The following ADAMTS14 variants were observed in gnomAD, a reference collection of about 807,000 sequenced individuals.
The protein encoded by ADAMTS14 is ADAM metallopeptidase with thrombospondin type 1 motif 14.
ADAMTS14 carries 100 observed loss-of-function variants against 128.6 expected under a neutral mutation model. The observed-to-expected ratio is 0.78, with a 90% CI of 0.66 to 0.92. The LOEUF (loss-of-function observed/expected upper bound fraction) is 0.92. Ranked by LOEUF, ADAMTS14 falls within the 40% of genes least tolerant of loss-of-function variation. ADAMTS14 has a pLI of 0.00. For synonymous variants in ADAMTS14, 665 were observed against 653.8 expected (o/e 1.02, Z -0.26); for missense variants, 1,562 against 1,658.6 (o/e 0.94, Z 1.01).
intron 18 of ADAMTS14, among the ~76,000 whole-genome samples, chr10:70,753,017 T>C (rs1336861029): frequency 6.6e-6 from 1 of 152,252 alleles, no homozygotes; most frequent in Non-Finnish European, 1.5e-5. Flanking sequence ...CAAATGCCTG[T>C]AATCACAGAA....
At chr10:70,736,844 C>A (rs757760253) in intron 10 of ADAMTS14, 51 bp downstream of exon 10, 1 of 1,519,322 alleles carries the variant, frequency 6.6e-7, no homozygotes, top group East Asian at 2.3e-5. Context: ...GCAGGGCATC[C>A]ATCACTGGCA....
intron 4 of ADAMTS14, among the ~76,000 whole-genome samples, chr10:70,719,412 ACT>A (rs1841176214): frequency 8.2e-6 from 1 of 121,446 alleles, no homozygotes. Context: ...ACACACACAC[ACT>A]TTTTAGAGGT....
intron 19 of ADAMTS14, among the ~76,000 whole-genome samples, chr10:70,756,202 T>C (rs1164671616): frequency 3.3e-5 from 5 of 152,200 alleles, no homozygotes; most frequent in African/African-American, 1.2e-4. Context: ...CTGAAAATAT[T>C]CTGGGATGCT....
In ADAMTS14 at chr10:70,729,318, T is replaced by A. The variant is rs143268347; in HGVS notation, c.895T>A (p.Ser299Thr). 1 of 1,613,730 alleles carries A rather than the reference T, an allele frequency of 6.2e-7. No homozygotes were observed. The highest frequency in any genetic ancestry group is 1.3e-5 in the African/African-American group (1 of 74,848). The change falls in exon 5 of 22, where the codon TCC becomes ACC. Residue 299 changes from serine to threonine, a missense_variant. Ser to Thr is a moderately conservative substitution (Grantham distance 58). Transcript: ENST00000373207. ...NIVDEIYHDE[S>T]LGVHINIALV... ...GGTAGATGAGATTTACCACGATGAG[T>A]CCCTGGGGGTTCATATAAATATTGC...
rs147617019 is a variant in ADAMTS14, at chr10:70,674,846, C to A, written c.373C>A (p.Arg125=). The change falls in exon 2 of 22, where the codon CGG becomes AGG. Residue 125 remains arginine, a synonymous_variant. Coordinates refer to ENST00000373207, the MANE Select transcript of ADAMTS14 (RefSeq NM_080722.4). ...ACTGCACTTGCGCCTGCGGCCCAAT[C>A]GGAGGTTGGTAGTGCCAGGATCCTC... ...KELHLRLRPN[R]RLVVPGSSVE... The A allele has an allele frequency of 1.9e-6, 3 of 1,613,926 alleles. No individual in the cohort carries two copies. The highest frequency in any genetic ancestry group is 2.5e-6 in the Non-Finnish European group (3 of 1,180,046).
chr10:70,703,409 G>A (rs1261035032), intron 3 of ADAMTS14, among the ~76,000 whole-genome samples: 1 of 152,226 alleles, frequency 6.6e-6, no homozygotes, highest in Non-Finnish European at 1.5e-5. Flanking sequence ...TGTGAGAAAT[G>A]CCTGGAAGCT....
Position 70,760,450 on chromosome 10 carries a change from G to A in ADAMTS14, c.3269G>A (p.Cys1090Tyr). ...CSIPGYHRLC[C>Y]VSCIKKASGP... is the part of the protein sequence containing the mutation. ...ATTCCCGGCTACCACCGGCTCTGCT[G>A]TGTGTCCTGCATCAAGAAGGCCTCG... Residue 1090 changes from cysteine to tyrosine, a missense_variant, in exon 22 of 22, where the codon TGT becomes TAT. Physicochemically the swap from Cys to Tyr is radical, Grantham distance 194. Transcript: ENST00000373207. 3 of 1,613,822 alleles carry A rather than the reference G, an allele frequency of 1.9e-6. No individual in the cohort carries two copies. The highest frequency in any genetic ancestry group is 1.3e-5 in the African/African-American group (1 of 75,034).
intron 21 of ADAMTS14, among the ~76,000 whole-genome samples, chr10:70,758,896 G>T (rs1000242877): frequency 6.6e-6 from 1 of 152,182 alleles, no homozygotes; most frequent in South Asian, 2.1e-4. Flanking sequence ...CAACTGCTAC[G>T]TGCCAGGCTG....
Position 70,751,518 on chromosome 10 carries a change from C to T in ADAMTS14, c.2468C>T (p.Ala823Val), listed in dbSNP as rs1842349896. 1.2e-6 allele frequency: 2 copies of T among 1,612,452 alleles called. No homozygotes were observed. Among genetic ancestry groups the T allele is most frequent in the Non-Finnish European group, 1.7e-6 (2 of 1,178,722 alleles). Residue 823 changes from alanine to valine, a missense_variant, in exon 17 of 22, where the codon GCC becomes GTC. By Grantham distance (64) the Ala-to-Val change is moderately conservative. Coordinates refer to ENST00000373207, the MANE Select transcript of ADAMTS14 (RefSeq NM_080722.4). ...GAGGGTGGCCCCCGCAGCAGCCTGG[C>T]CTACAAGTACGTCATCCATGAGGAC... ...PTEGGPRSSLAYKYVIHEDLL... is the reference protein window; with the variant it reads ...PTEGGPRSSLVYKYVIHEDLL...
At chr10:70,749,579 G>A (rs1378769979) in intron 15 of ADAMTS14, among the ~76,000 whole-genome samples, 1 of 150,864 alleles carries the variant, frequency 6.6e-6, no homozygotes, top group East Asian at 2.0e-4. Flanking sequence ...TGGGAGGAAT[G>A]GTGTGCACTA....
chr10:70,729,506 C>G lies in ADAMTS14; in HGVS notation c.954+129C>G, dbSNP rs1841559921. Reference sequence around the variant, plus strand: ...CTGTTTCCAGAATCAGAACTTGAGGCTATTAGAATTGTGGCTTCAGTGATG... The same window carrying G: ...CTGTTTCCAGAATCAGAACTTGAGGGTATTAGAATTGTGGCTTCAGTGATG... On this transcript the variant is annotated intron_variant, in intron 5 of 21. Coordinates refer to ENST00000373207, the MANE Select transcript of ADAMTS14 (RefSeq NM_080722.4). 5 of 805,854 alleles carry G rather than the reference C, an allele frequency of 6.2e-6. No individual in the cohort carries two copies. The South Asian group carries it at 7.6e-5, about 12-fold the overall frequency. The allele number at this position is 805,854 out of a possible 1,614,324, so 49.9% of individuals were successfully genotyped here. A position where few individuals can be genotyped will look rare whatever the true frequency, so the allele number is the denominator to read the frequency against.
chr10:70,757,973 C>T lies in ADAMTS14; in HGVS notation c.2949C>T (p.Thr983=). The change falls in exon 20 of 22, where the codon ACC becomes ACT. Residue 983 remains threonine (T), a synonymous_variant. Transcript: ENST00000373207. ...CCCACCCACGGCAGTGCTCTGCCAC[C>T]TGTGGAGAGGGCATCCAGCAGCGGC... is the stretch of plus-strand genomic sequence containing the variant. ...RLGAWSQCSA[T]CGEGIQQRQV... The T allele has an allele frequency of 6.2e-7, 1 of 1,611,238 alleles. No individual in the cohort carries two copies. Among genetic ancestry groups the T allele is most frequent in the Non-Finnish European group, 8.5e-7 (1 of 1,178,990 alleles).
intron 19 of ADAMTS14, among the ~76,000 whole-genome samples, chr10:70,756,094 G>C (rs1031391013): frequency 6.6e-6 from 1 of 152,250 alleles, no homozygotes; most frequent in East Asian, 1.9e-4. Context: ...TTCTGTTATA[G>C]AGAATACATT....
intron 19 of ADAMTS14, among the ~76,000 whole-genome samples, chr10:70,756,356 T>C (rs540552135): frequency 6.6e-6 from 1 of 152,332 alleles, no homozygotes; most frequent in African/African-American, 2.4e-5. Context: ...GTCTCCATAA[T>C]ATATAGCTTC....
At chr10:70,752,794 C>T (rs1183977601) in intron 18 of ADAMTS14, among the ~76,000 whole-genome samples, 1 of 152,168 alleles carries the variant, frequency 6.6e-6, no homozygotes, top group Non-Finnish European at 1.5e-5. Flanking sequence ...AGCTTCTGCT[C>T]CCCTGGGCTG....
intron 12 of ADAMTS14, 75 bp from the exon 13 acceptor site, chr10:70,743,473 G>T: frequency 6.6e-7 from 1 of 1,510,160 alleles, no homozygotes; most frequent in South Asian, 1.3e-5. Flanking sequence ...TTTCTGGCTG[G>T]ACCACATACT....
intron 2 of ADAMTS14, among the ~76,000 whole-genome samples, chr10:70,700,408 A>G (rs538199887): frequency 3.3e-5 from 5 of 152,290 alleles, no homozygotes; most frequent in South Asian, 4.1e-4. Context: ...CTGGGCTGAC[A>G]GTCCCTGGGT....
Position 70,733,879 on chromosome 10 carries a change from T to C in ADAMTS14, c.1209-6T>C. ...TATCAGGACTCCTCTGTCTTCCCCATTCCAGGCTCGGCATGGAGCATGACG... is the reference window on the plus strand; with the variant it reads ...TATCAGGACTCCTCTGTCTTCCCCACTCCAGGCTCGGCATGGAGCATGACG... On this transcript the variant is annotated splice_polypyrimidine_tract_variant and splice_region_variant and intron_variant, in intron 7 of 21. Coordinates refer to ENST00000373207, the MANE Select transcript of ADAMTS14 (RefSeq NM_080722.4). The C allele has an allele frequency of 1.2e-6, 2 of 1,610,804 alleles. No homozygotes were observed. Among genetic ancestry groups the C allele is most frequent in the South Asian group, 2.2e-5 (2 of 90,824 alleles).
chr10:70,748,269 C>T (rs1387003526), intron 15 of ADAMTS14, among the ~76,000 whole-genome samples: 1 of 152,150 alleles, frequency 6.6e-6, no homozygotes, highest in African/African-American at 2.4e-5. Flanking sequence ...TGGTCCACCC[C>T]CAACGGTCTG....
Sources: gnomAD v4.1 joint callset for allele counts (sites outside exome capture counted in the v4.1 genomes callset) on GRCh38, gnomAD v4.1.1 for gene constraint, MANE v1.5 for transcripts, NCBI Gene and HGNC (gene_info 2026-07-23, HGNC 2026-07-21) for gene names.